Variants in MTMR14 observed in about 807,000 individuals in gnomAD.
MTMR14 encodes myotubularin related protein 14.
MTMR14 carries 48 observed loss-of-function variants against 86.3 expected under a neutral mutation model. The observed-to-expected ratio is 0.56, with a 90% CI of 0.44 to 0.71. The LOEUF (loss-of-function observed/expected upper bound fraction) is 0.71. Among genes scored for constraint, MTMR14 ranks in the 30% least tolerant of loss-of-function variants. The probability of loss-of-function intolerance (pLI) is 0.00; values close to 1 mark genes in which losing one functional copy is unlikely to be tolerated. For synonymous variants in MTMR14, 366 were observed against 326.1 expected (o/e 1.12, Z -1.32); for missense variants, 780 against 834.6 (o/e 0.93, Z 0.81).
intron 2 of MTMR14, among the ~76,000 whole-genome samples, chr3:9,660,569 T>C (rs1445317369): frequency 6.6e-6 from 1 of 152,140 alleles, no homozygotes; most frequent in Non-Finnish European, 1.5e-5. Flanking sequence ...CCCCTAGATA[T>C]ATTTTAACTA....
At chr3:9,680,986 C>T (rs2075749925) in intron 9 of MTMR14, among the ~76,000 whole-genome samples, 1 of 152,220 alleles carries the variant, frequency 6.6e-6, no homozygotes, top group African/African-American at 2.4e-5. Flanking sequence ...GATGTCCCTA[C>T]AGATCAGGCT....
intron 1 of MTMR14, among the ~76,000 whole-genome samples, chr3:9,653,046 G>A (rs2047394102): frequency 6.6e-6 from 1 of 152,214 alleles, no homozygotes; most frequent in African/African-American, 2.4e-5. Flanking sequence ...AAACTAGCCT[G>A]GCCAACATGG....
chr3:9,668,579 C>T (rs971156671), intron 3 of MTMR14, 140 bp from the exon 4 acceptor site: 1 of 778,070 alleles, frequency 1.3e-6, no homozygotes, highest in Non-Finnish European at 2.2e-6. Flanking sequence ...ATTGTGGCAG[C>T]CTTGATGCTG....
chr3:9,659,953 T>G (rs1004340558), intron 2 of MTMR14: 1 of 415,660 alleles, frequency 2.4e-6, no homozygotes, highest in Admixed American at 2.6e-5. Flanking sequence ...CCTGGGAAAA[T>G]CAGATGTAGG....
intron 2 of MTMR14, among the ~76,000 whole-genome samples, chr3:9,657,476 G>A (rs1316772346): frequency 2.0e-5 from 3 of 152,074 alleles, no homozygotes; most frequent in African/African-American, 7.2e-5. Flanking sequence ...ACCTCTGTTT[G>A]GCAGGTGTTG....
chr3:9,685,894 C>G (rs993855537), intron 13 of MTMR14, among the ~76,000 whole-genome samples: 8 of 152,152 alleles, frequency 5.3e-5, no homozygotes, highest in Non-Finnish European at 7.3e-5. Context: ...CCCTAGTTGG[C>G]CCCCTTACTG....
intron 9 of MTMR14, among the ~76,000 whole-genome samples, chr3:9,680,848 C>G (rs1188005985): frequency 6.6e-6 from 1 of 152,152 alleles, no homozygotes; most frequent in East Asian, 1.9e-4. Context: ...AAAAAACAAA[C>G]AAACAAACAA....
chr3:9,682,924 T>G (rs549730358), intron 9 of MTMR14, among the ~76,000 whole-genome samples: 1 of 149,240 alleles, frequency 6.7e-6, no homozygotes, highest in East Asian at 1.9e-4. Flanking sequence ...ACTCTCACAT[T>G]GGGTCAGAGC....
rs1363081196 is a variant in MTMR14, at chr3:9,702,002, CCT to C, written c.*35_*36del. ...AGCCAGCCCATGACATTTTCCTGCT[CCT>C]CTCTCAGCTGAGCCCTTAGCAGAGA... is the stretch of plus-strand genomic sequence containing the variant. On this transcript the variant is annotated 3_prime_UTR_variant, in exon 19 of 19. Coordinates refer to ENST00000296003, the MANE Select transcript of MTMR14 (RefSeq NM_001077525.3). 2.5e-6 allele frequency: 4 copies of C among 1,613,274 alleles called. No homozygotes were observed. Among genetic ancestry groups the C allele is most frequent in the African/African-American group, 2.7e-5 (2 of 74,916 alleles).
intron 2 of MTMR14, among the ~76,000 whole-genome samples, chr3:9,654,767 T>C (rs1206293381): frequency 6.6e-6 from 1 of 152,218 alleles, no homozygotes; most frequent in East Asian, 1.9e-4. Flanking sequence ...CAATAACTTG[T>C]TAGAAACGCA....
At position 9,684,515 on chromosome 3, in the gene MTMR14, G is replaced by A. The variant is rs1016711448; in HGVS notation, c.965-70G>A. On this transcript the variant is annotated intron_variant, in intron 10 of 18. Transcript: ENST00000296003. ...TGGCTCCCTCCACCAGGCCAAGCTG[G>A]TGGTACTTCCTGCTCATCGGCCCAT... 4.0e-6 allele frequency: 6 copies of A among 1,495,792 alleles called. No homozygotes were observed. In the South Asian group the frequency reaches 5.6e-5, roughly 14 times the overall value. 92.7% of individuals were successfully genotyped at this position (1,495,792 alleles called of 1,614,324 possible). A position where few individuals can be genotyped will look rare whatever the true frequency, so the allele number is the denominator to read the frequency against.
At chr3:9,694,586 C>T (rs1337261512) in intron 17 of MTMR14, among the ~76,000 whole-genome samples, 2 of 152,108 alleles carry the variant, frequency 1.3e-5, no homozygotes, top group African/African-American at 4.8e-5. Context: ...TAGTAGATAC[C>T]TTTTCACGAA....
Position 9,657,536 on chromosome 3 carries a change from G to C in MTMR14, c.308+3767G>C, listed in dbSNP as rs971767942. On this transcript the variant is annotated intron_variant, in intron 2 of 18. Transcript: ENST00000296003. ...CTACAACTATTCAGTGAAGAAGACA[G>C]TATCACCACTCTTTTTTTTTTTCAA... is the stretch of plus-strand genomic sequence containing the variant. Among the ~76,000 whole-genome samples, 6 of 151,506 alleles carry C rather than the reference G, an allele frequency of 4.0e-5. No individual in the cohort carries two copies. The East Asian group carries it at 9.6e-4, about 24-fold the overall frequency.
intron 17 of MTMR14, among the ~76,000 whole-genome samples, chr3:9,692,606 G>A (rs186040823): frequency 6.6e-6 from 1 of 152,332 alleles, no homozygotes; most frequent in African/African-American, 2.4e-5. Flanking sequence ...CTGCTCTGGA[G>A]TCATGCATCC....
chr3:9,657,207 C>G (rs2047658824), intron 2 of MTMR14, among the ~76,000 whole-genome samples: 1 of 152,222 alleles, frequency 6.6e-6, no homozygotes, highest in Non-Finnish European at 1.5e-5. Flanking sequence ...CCGCACCCAA[C>G]AGAGTGGTTC....
intron 17 of MTMR14, 95 bp downstream of exon 17, chr3:9,690,238 A>G: frequency 7.4e-7 from 1 of 1,356,374 alleles, no homozygotes; most frequent in Non-Finnish European, 1.0e-6. Flanking sequence ...CTAGGGTCTC[A>G]AGATGGGGTT....
At chr3:9,664,974 A>C (rs1444161696) in intron 3 of MTMR14, among the ~76,000 whole-genome samples, 1 of 152,184 alleles carries the variant, frequency 6.6e-6, no homozygotes, top group Admixed American at 6.5e-5. Flanking sequence ...TGTGATTGTT[A>C]TGCGTGGTAT....
intron 17 of MTMR14, among the ~76,000 whole-genome samples, chr3:9,692,218 T>C (rs1027940616): frequency 1.3e-5 from 2 of 152,162 alleles, no homozygotes; most frequent in Non-Finnish European, 2.9e-5. Context: ...TGTGAATTCT[T>C]TGGGTTTTTA....
At chr3:9,691,973 G>A (rs754734510) in intron 17 of MTMR14, among the ~76,000 whole-genome samples, 8 of 152,182 alleles carry the variant, frequency 5.3e-5, no homozygotes, top group Non-Finnish European at 1.2e-4. Flanking sequence ...TTGGATGCCT[G>A]TTGGTCAGAG....
Sources: allele counts gnomAD v4.1 joint callset (sites outside exome capture counted in the v4.1 genomes callset), GRCh38; gene constraint gnomAD v4.1.1; transcripts MANE v1.5; gene names NCBI Gene and HGNC (gene_info 2026-07-23, HGNC 2026-07-21).